Variants in CACNA2D3 observed in about 807,000 individuals in gnomAD.
CACNA2D3 encodes the protein voltage-dependent calcium channel subunit alpha-2/delta-3.
CACNA2D3 carries 60 observed loss-of-function variants against 160.6 expected under a neutral mutation model. The ratio of observed to expected loss-of-function variants is 0.37; its 90% CI spans 0.30 to 0.46. The LOEUF is 0.46. Ranked by LOEUF, CACNA2D3 falls within the 20% of genes least tolerant of loss-of-function variation. CACNA2D3 has a pLI of 1.00. For synonymous variants in CACNA2D3, 558 were observed against 492.9 expected, an observed-to-expected ratio of 1.13 and a Z score of -1.75; for missense variants, 1,205 against 1,365.0, an observed-to-expected ratio of 0.88 and a Z score of 1.85.
intron 9 of CACNA2D3, among the ~76,000 whole-genome samples, chr3:54,604,573 C>A (rs896458882): frequency 6.6e-6 from 1 of 152,180 alleles, no homozygotes; most frequent in Non-Finnish European, 1.5e-5. Context: ...ATCTTTGTTT[C>A]TTCTTCCTGG....
At chr3:54,257,643 T>G (rs1260262314) in intron 2 of CACNA2D3, among the ~76,000 whole-genome samples, 1 of 152,156 alleles carries the variant, frequency 6.6e-6, no homozygotes, top group Non-Finnish European at 1.5e-5. Flanking sequence ...TCTGAAAAGC[T>G]TATTTGTGAA....
At chr3:54,522,739 A>G (rs1159625858) in intron 5 of CACNA2D3, among the ~76,000 whole-genome samples, 1 of 151,774 alleles carries the variant, frequency 6.6e-6, no homozygotes, top group Admixed American at 6.6e-5. Context: ...GTTTTCAGGA[A>G]CTCACTCCTG....
intron 5 of CACNA2D3, among the ~76,000 whole-genome samples, chr3:54,542,410 T>C (rs1701996305): frequency 6.6e-6 from 1 of 152,040 alleles, no homozygotes; most frequent in Admixed American, 6.6e-5. Flanking sequence ...CAAAGTAAAG[T>C]CCCACAATGG....
At chr3:54,894,108 G>A (rs1357421544) in intron 25 of CACNA2D3, among the ~76,000 whole-genome samples, 2 of 152,152 alleles carry the variant, frequency 1.3e-5, no homozygotes, top group African/African-American at 4.8e-5. Flanking sequence ...GAGTCACCCA[G>A]TTCTTCCCAG....
intron 35 of CACNA2D3, among the ~76,000 whole-genome samples, chr3:55,054,711 C>G (rs555627545): frequency 2.8e-4 from 43 of 151,790 alleles, no homozygotes; most frequent in Non-Finnish European, 5.2e-4. Flanking sequence ...TCACATTTTA[C>G]TATGTGACAC....
chr3:54,698,168 C>T (rs1292139936), intron 11 of CACNA2D3, among the ~76,000 whole-genome samples: 2 of 152,206 alleles, frequency 1.3e-5, no homozygotes, highest in East Asian at 3.9e-4. Context: ...AGGAGACTGC[C>T]TGTCAGTGTG....
intron 9 of CACNA2D3, among the ~76,000 whole-genome samples, chr3:54,582,803 G>A (rs1201978186): frequency 6.6e-6 from 1 of 152,216 alleles, no homozygotes; most frequent in African/African-American, 2.4e-5. Context: ...TTAGATGCAG[G>A]TAGTAGAAGC....
At chr3:54,295,369 G>A (rs936581393) in intron 2 of CACNA2D3, among the ~76,000 whole-genome samples, 2 of 152,170 alleles carry the variant, frequency 1.3e-5, no homozygotes, top group Non-Finnish European at 2.9e-5. Flanking sequence ...AATTTAGAAA[G>A]TTTATTTTGC....
At chr3:54,378,611 G>A (rs181583600) in intron 3 of CACNA2D3, among the ~76,000 whole-genome samples, 4 of 152,200 alleles carry the variant, frequency 2.6e-5, no homozygotes, top group Non-Finnish European at 4.4e-5. Flanking sequence ...AGGGTCCTGC[G>A]GGGACTTTTT....
At chr3:54,560,641 A>C (rs1309653612) in intron 5 of CACNA2D3, among the ~76,000 whole-genome samples, 1 of 152,040 alleles carries the variant, frequency 6.6e-6, no homozygotes, top group Non-Finnish European at 1.5e-5. Flanking sequence ...TTGTCATGAA[A>C]TATTTGCCTG....
intron 35 of CACNA2D3, among the ~76,000 whole-genome samples, chr3:55,049,093 C>T (rs1227133752): frequency 1.3e-5 from 2 of 151,420 alleles, no homozygotes; most frequent in African/African-American, 2.4e-5. Flanking sequence ...TTTTTGTGTC[C>T]CTGTTTCCTT....
At chr3:54,500,618 CTTTT>C (rs1003238388) in intron 4 of CACNA2D3, among the ~76,000 whole-genome samples, 1 of 140,824 alleles carries the variant, frequency 7.1e-6, no homozygotes, top group Non-Finnish European at 1.6e-5. Flanking sequence ...TTATTTCTTT[CTTTT>C]TTTCTTCTAC....
intron 4 of CACNA2D3, among the ~76,000 whole-genome samples, chr3:54,434,644 C>T (rs1027089476): frequency 1.2e-4 from 18 of 152,200 alleles, no homozygotes; most frequent in African/African-American, 3.9e-4. Context: ...ACAGCATGCT[C>T]AGCAGTAGCA....
At chr3:54,834,187 T>C (rs1281798127) in intron 14 of CACNA2D3, among the ~76,000 whole-genome samples, 1 of 152,210 alleles carries the variant, frequency 6.6e-6, no homozygotes, top group Non-Finnish European at 1.5e-5. Flanking sequence ...TTATAACTGA[T>C]TTTTACTGGT....
intron 27 of CACNA2D3, among the ~76,000 whole-genome samples, chr3:54,932,442 G>A (rs1206334336): frequency 6.6e-6 from 1 of 152,128 alleles, no homozygotes; most frequent in African/African-American, 2.4e-5. Context: ...TAAAGAAAAA[G>A]AGGGGAAAAT....
intron 2 of CACNA2D3, among the ~76,000 whole-genome samples, chr3:54,225,460 G>C (rs1701654465): frequency 6.6e-6 from 1 of 152,114 alleles, no homozygotes; most frequent in East Asian, 1.9e-4. Context: ...AATATCCTCT[G>C]TATCTGTTTT....
chr3:54,918,007 G>A (rs1254044316), intron 27 of CACNA2D3, among the ~76,000 whole-genome samples: 1 of 152,190 alleles, frequency 6.6e-6, no homozygotes, highest in Non-Finnish European at 1.5e-5. Flanking sequence ...GGCATTCAAT[G>A]CCCATCGGGT....
chr3:54,866,601 A>G (rs1041599153), intron 17 of CACNA2D3, among the ~76,000 whole-genome samples: 5 of 152,224 alleles, frequency 3.3e-5, no homozygotes, highest in African/African-American at 1.2e-4. Context: ...TGTTCCACAG[A>G]GGCTGCATGG....
At chr3:54,496,800 CAT>C (rs1701210436) in intron 4 of CACNA2D3, among the ~76,000 whole-genome samples, 1 of 152,098 alleles carries the variant, frequency 6.6e-6, no homozygotes, top group Admixed American at 6.5e-5. Flanking sequence ...ATCTCAAATT[CAT>C]ATGTGTATGA....
Sources: gnomAD v4.1 joint callset for allele counts (sites outside exome capture counted in the v4.1 genomes callset) on GRCh38, gnomAD v4.1.1 for gene constraint, MANE v1.5 for transcripts, NCBI Gene and HGNC (gene_info 2026-07-23, HGNC 2026-07-21) for gene names.